Variants in C3orf20 observed in about 807,000 individuals in gnomAD.
C3orf20 encodes the protein uncharacterized protein C3orf20.
C3orf20 carries 76 observed loss-of-function variants against 88.3 expected under a neutral mutation model. That is an observed-to-expected ratio of 0.86 (90% CI 0.72 to 1.04). C3orf20 has a LOEUF of 1.04. Ranked by LOEUF, C3orf20 falls within the 50% of genes least tolerant of loss-of-function variation. The pLI is 0.00. For synonymous variants in C3orf20, 436 were observed against 437.4 expected (o/e 1.00, Z 0.04); for missense variants, 1,056 against 1,123.3 (o/e 0.94, Z 0.86).
chr3:14,693,953 G>A (rs1019669196), intron 5 of C3orf20, among the ~76,000 whole-genome samples: 2 of 152,092 alleles, frequency 1.3e-5, no homozygotes, highest in Non-Finnish European at 2.9e-5. Context: ...AATGGCCATA[G>A]GGTTTTTGTA....
chr3:14,712,215 C>G (rs1172924958), intron 7 of C3orf20, among the ~76,000 whole-genome samples: 2 of 148,374 alleles, frequency 1.3e-5, no homozygotes, highest in Non-Finnish European at 3.0e-5. Flanking sequence ...CACACACACA[C>G]AGAAGAAAGC....
chr3:14,689,510 C>T (rs1300253887), intron 4 of C3orf20, among the ~76,000 whole-genome samples: 2 of 152,180 alleles, frequency 1.3e-5, no homozygotes, highest in African/African-American at 2.4e-5. Flanking sequence ...AAGGGTGCTA[C>T]ATTTTAATTC....
chr3:14,680,935 A>G (rs955453061), intron 1 of C3orf20, among the ~76,000 whole-genome samples: 10 of 152,168 alleles, frequency 6.6e-5, no homozygotes, highest in Non-Finnish European at 1.2e-4. Flanking sequence ...CTTTTTCCCA[A>G]TCTGCAAAGC....
Position 14,722,146 on chromosome 3 carries a change from C to A in C3orf20, c.1566+362C>A, listed in dbSNP as rs1158138259. 1.1e-5 allele frequency: 3 copies of A among 285,560 alleles called. No individual in the cohort carries two copies. In the East Asian group the frequency reaches 2.4e-4, roughly 23 times the overall value. The allele number at this position is 285,560 out of a possible 1,614,324, so 17.7% of individuals were successfully genotyped here. A position where few individuals can be genotyped will look rare whatever the true frequency, so the allele number is the denominator to read the frequency against. ...TCGCATCTCTTGGCTCTGCTTTCCT[C>A]TTTGTTGGCTTCATTCTCAAGGAGT... On this transcript the variant is annotated intron_variant, in intron 10 of 16. Transcript: ENST00000253697.
chr3:14,687,404 C>G (rs966294608), intron 4 of C3orf20, among the ~76,000 whole-genome samples: 4 of 152,178 alleles, frequency 2.6e-5, no homozygotes, highest in African/African-American at 9.7e-5. Context: ...ATGAAGATCT[C>G]TGTTTTAGGG....
At position 14,725,084 on chromosome 3, in the gene C3orf20, C is replaced by A. The variant is rs369667660; in HGVS notation, c.1567-1817C>A. Among the ~76,000 whole-genome samples, 5 of 152,292 alleles carry A rather than the reference C, an allele frequency of 3.3e-5. No individual in the cohort carries two copies. In the East Asian group the frequency reaches 9.6e-4, roughly 29 times the overall value. On this transcript the variant is annotated intron_variant, in intron 10 of 16. Transcript: ENST00000253697. ...TCATAACCTCTTTCGAGAGTGCAAG[C>A]ATGTGTACTATGTATGACAACATTC... is the stretch of plus-strand genomic sequence containing the variant.
chr3:14,766,855 C>T (rs1447835768), intron 15 of C3orf20: 1 of 152,318 alleles, frequency 6.6e-6, no homozygotes, highest in Non-Finnish European at 1.5e-5. Flanking sequence ...TGACCCCCAG[C>T]CAGGGCGGCT....
rs572485123 is a variant in C3orf20 at position 14,727,021 on chromosome 3, G to A, written c.1687G>A (p.Ala563Thr). ...TQFINSILLA[A>T]GLFTIEYPTK... ...GTTCATTAATTCTATCTTGCTGGCC[G>A]CAGGTAAGGAGGCTGAAAGGTGGGC... The change falls in exon 11 of 17, where the codon GCA becomes ACA. Residue 563 changes from alanine (A) to threonine (T), a missense_variant. Transcript: ENST00000253697. 3.0e-5 allele frequency: 48 copies of A among 1,614,112 alleles called. 1 individual carries two copies. In the East Asian group the frequency reaches 6.0e-4, roughly 20 times the overall value.
intron 4 of C3orf20, among the ~76,000 whole-genome samples, chr3:14,686,713 T>C (rs753581528): frequency 6.6e-5 from 10 of 152,214 alleles, no homozygotes; most frequent in Non-Finnish European, 1.5e-4. Flanking sequence ...GTCTTAAGCT[T>C]GGTAAATACA....
chr3:14,772,794 A>G lies in C3orf20; in HGVS notation c.2634A>G (p.Thr878=). The G allele has an allele frequency of 6.2e-7, 1 of 1,613,208 alleles. No individual in the cohort carries two copies. Among genetic ancestry groups the G allele is most frequent in the Non-Finnish European group, 8.5e-7 (1 of 1,179,216 alleles). The change falls in exon 17 of 17, where the codon ACA becomes ACG. Residue 878 remains threonine (T), a synonymous_variant. Transcript: ENST00000253697. The surrounding 1 kb of genome is among the most constrained non-coding windows in gnomAD (Gnocchi z 4.2). ...EKELSLEAEK[T]REPEVELHPL... ...GGCCCTCTATTTTGATCTTTAGGAC[A>G]AGAGAGCCTGAAGTGGAGCTACATC...
intron 12 of C3orf20, among the ~76,000 whole-genome samples, chr3:14,743,890 C>T (rs1019717017): frequency 5.3e-5 from 8 of 151,996 alleles, no homozygotes; most frequent in African/African-American, 1.5e-4. Flanking sequence ...AGCATGGGGA[C>T]CCTGGGCCCA....
chr3:14,690,326 G>C (rs2032663049), intron 5 of C3orf20, among the ~76,000 whole-genome samples: 1 of 152,188 alleles, frequency 6.6e-6, no homozygotes, highest in Admixed American at 6.5e-5. Context: ...TCACTGCATA[G>C]CACAGGCTCA....
intron 5 of C3orf20, among the ~76,000 whole-genome samples, chr3:14,695,200 T>G (rs1473440561): frequency 6.6e-6 from 1 of 152,210 alleles, no homozygotes; most frequent in Middle Eastern, 3.2e-3. Context: ...CCATTGTCTT[T>G]TGCTTCAAGA....
At chr3:14,684,196 G>A (rs766406502) in intron 3 of C3orf20, 46 bp from the exon 4 acceptor site, 82 of 1,606,798 alleles carry the variant, frequency 5.1e-5, no homozygotes, top group Non-Finnish European at 6.2e-5. Flanking sequence ...GGAAGCATTA[G>A]CCCCATGCTA....
intron 4 of C3orf20, among the ~76,000 whole-genome samples, chr3:14,689,739 C>G (rs567116170): frequency 6.6e-6 from 1 of 151,946 alleles, no homozygotes; most frequent in South Asian, 2.1e-4. Flanking sequence ...TGCTTGCTTG[C>G]TGTTCCTTGT....
chr3:14,769,428 GCCAT>G (rs906761565), intron 15 of C3orf20, among the ~76,000 whole-genome samples: 1 of 151,730 alleles, frequency 6.6e-6, no homozygotes, highest in African/African-American at 2.4e-5. Context: ...GATAGTTTGG[GCCAT>G]GTATCTGTAA....
At position 14,690,023 on chromosome 3, in the gene C3orf20, G is replaced by A; in HGVS notation, c.652G>A (p.Gly218Arg). Reference sequence around the variant, plus strand: ...GTCCCTCGCAAACATGTCCGCCATTGGGGTGAACTCGCCTTACCAGCTGAT... The same window carrying A: ...GTCCCTCGCAAACATGTCCGCCATTAGGGTGAACTCGCCTTACCAGCTGAT... ...KESLANMSAI[G>R]VNSPYQLIYH... The change falls in exon 5 of 17, where the codon GGG (glycine) becomes AGG (arginine). Residue 218 changes from glycine to arginine, a missense_variant. By Grantham distance (125) the Gly-to-Arg change is moderately radical. Coordinates refer to ENST00000253697, the MANE Select transcript of C3orf20 (RefSeq NM_032137.5). The A allele has an allele frequency of 2.5e-6, 4 of 1,614,166 alleles. No homozygotes were observed. The highest frequency in any genetic ancestry group is 3.4e-6 in the Non-Finnish European group (4 of 1,180,026).
intron 15 of C3orf20, chr3:14,765,636 T>C (rs1330586790): frequency 1.3e-5 from 2 of 152,262 alleles, no homozygotes; most frequent in Non-Finnish European, 2.9e-5. Context: ...AATCCTTCTG[T>C]GGAGGTGAGG....
intron 4 of C3orf20, among the ~76,000 whole-genome samples, chr3:14,688,772 T>C (rs924020726): frequency 3.9e-5 from 6 of 152,052 alleles, no homozygotes; most frequent in Non-Finnish European, 7.4e-5. Flanking sequence ...GCAGTTTCCT[T>C]TGTGGTTCCT....
Sources: gnomAD v4.1 joint callset for allele counts (sites outside exome capture counted in the v4.1 genomes callset) on GRCh38, gnomAD v4.1.1 for gene constraint, Gnocchi (gnomAD v3.1) non-coding constraint, MANE v1.5 for transcripts, NCBI Gene and HGNC (gene_info 2026-07-23, HGNC 2026-07-21) for gene names.